The following ANKRD6 variants were observed in gnomAD, a reference collection of about 807,000 sequenced individuals.
ANKRD6 encodes ankyrin repeat domain-containing protein 6.
A neutral mutation model predicts 82.3 loss-of-function variants in ANKRD6; 56 were observed. That is an observed-to-expected ratio of 0.68 (90% confidence interval 0.55 to 0.85). ANKRD6 has a LOEUF of 0.85. Ranked by LOEUF, ANKRD6 falls within the 40% of genes least tolerant of loss-of-function variation. The pLI, the probability that ANKRD6 is intolerant of heterozygous loss-of-function variation, is 0.00. For missense variants in ANKRD6, 852 were observed against 907.6 expected, an observed-to-expected ratio of 0.94 and a Z score of 0.79; for synonymous variants, 347 against 352.1, an observed-to-expected ratio of 0.99 and a Z score of 0.16.
chr6:89,599,557 A>G (rs1796628943), intron 3 of ANKRD6, among the ~76,000 whole-genome samples: 1 of 152,186 alleles, frequency 6.6e-6, no homozygotes, highest in South Asian at 2.1e-4. Flanking sequence ...CATTTCAAGG[A>G]GGAAATGTTT....
intron 5 of ANKRD6, among the ~76,000 whole-genome samples, chr6:89,609,626 G>A (rs1376933868): frequency 6.7e-6 from 1 of 148,998 alleles, no homozygotes; most frequent in Non-Finnish European, 1.5e-5. Context: ...TTTTTTGTTT[G>A]TTTGTTTGTT....
chr6:89,547,419 T>C (rs1181587457), intron 1 of ANKRD6, among the ~76,000 whole-genome samples: 1 of 152,150 alleles, frequency 6.6e-6, no homozygotes, highest in South Asian at 2.1e-4. Context: ...TGCCCATGAC[T>C]GAGGACAAAG....
chr6:89,540,958 G>A (rs1182750609), intron 1 of ANKRD6, among the ~76,000 whole-genome samples: 1 of 152,060 alleles, frequency 6.6e-6, no homozygotes, highest in East Asian at 1.9e-4. Flanking sequence ...TTGTTTCTGG[G>A]TTCCCTATTC....
At chr6:89,528,275 T>C (rs1782752979) in intron 1 of ANKRD6, among the ~76,000 whole-genome samples, 1 of 152,258 alleles carries the variant, frequency 6.6e-6, no homozygotes, top group Non-Finnish European at 1.5e-5. Context: ...TGCTGCCTTG[T>C]CAAATACATT....
rs1167468399 is a variant in ANKRD6, at chr6:89,622,140, C to T, written c.897+114C>T. Reference sequence around the variant, plus strand: ...GGCTGCCCGGCCCTCTCTGCCTCTCCTCCTTGCTGGAGCTCTTCAAACTGT... The same window carrying T: ...GGCTGCCCGGCCCTCTCTGCCTCTCTTCCTTGCTGGAGCTCTTCAAACTGT... On this transcript the variant is annotated intron_variant, in intron 10 of 15. Transcript: ENST00000339746. 8 of 846,334 alleles carry T rather than the reference C, an allele frequency of 9.5e-6. No homozygotes were observed. In the South Asian group the frequency reaches 1.2e-4, roughly 13 times the overall value. 52.4% of individuals were successfully genotyped at this position (846,334 alleles called of 1,614,324 possible).
At chr6:89,477,897 A>G (rs1026934825) in intron 1 of ANKRD6, among the ~76,000 whole-genome samples, 2 of 151,986 alleles carry the variant, frequency 1.3e-5, no homozygotes, top group South Asian at 2.1e-4. Flanking sequence ...CTTTCCCCCT[A>G]TTAAACGTGA....
chr6:89,528,710 C>T (rs1164823291), intron 1 of ANKRD6, among the ~76,000 whole-genome samples: 1 of 152,180 alleles, frequency 6.6e-6, no homozygotes. Flanking sequence ...GTAGCTTTGG[C>T]CTTACAAAAT....
intron 1 of ANKRD6, among the ~76,000 whole-genome samples, chr6:89,480,974 CAAAGTTATATGTATTTTA>C (rs1776740133): frequency 1.4e-5 from 2 of 140,632 alleles, no homozygotes; most frequent in African/African-American, 5.2e-5. Context: ...GAAGAAGAAG[CAAAGTTATATGTATTTTA>C]AATATTATAG....
At chr6:89,524,107 A>C (rs1228932804) in intron 1 of ANKRD6, among the ~76,000 whole-genome samples, 1 of 152,130 alleles carries the variant, frequency 6.6e-6, no homozygotes, top group Non-Finnish European at 1.5e-5. Flanking sequence ...TTTTGCACCC[A>C]CAGGAGCTCT....
At chr6:89,509,790 C>T (rs1780315375) in intron 1 of ANKRD6, among the ~76,000 whole-genome samples, 1 of 152,120 alleles carries the variant, frequency 6.6e-6, no homozygotes, top group Non-Finnish European at 1.5e-5. Flanking sequence ...AACTGAGGCC[C>T]AAAGAGGTCA....
chr6:89,591,560 C>T (rs918796484), intron 2 of ANKRD6, among the ~76,000 whole-genome samples: 1 of 152,158 alleles, frequency 6.6e-6, no homozygotes, highest in Non-Finnish European at 1.5e-5. Context: ...GCTCCTTCAC[C>T]CTTAAGAGGG....
At chr6:89,624,754 C>T in intron 13 of ANKRD6, 63 bp downstream of exon 13, 1 of 1,538,856 alleles carries the variant, frequency 6.5e-7, no homozygotes. Flanking sequence ...ACTCAGGAAC[C>T]AACTTCGACT....
intron 1 of ANKRD6, among the ~76,000 whole-genome samples, chr6:89,564,930 ATT>A (rs1788150196): frequency 6.6e-6 from 1 of 152,182 alleles, no homozygotes; most frequent in Non-Finnish European, 1.5e-5. Context: ...TTTTCCTGCC[ATT>A]TAGGCCTGGA....
rs117415005 is a variant in ANKRD6, at chr6:89,484,922, G to A, written c.-144+51547G>A. Among the ~76,000 whole-genome samples, 85 of 152,306 alleles carry A rather than the reference G, an allele frequency of 5.6e-4. 1 individual carries two copies. The East Asian group carries it at 0.016, about 29-fold the overall frequency. ...GTGGGCTCTATCTCTAGCTACCTAG[G>A]TGGCCTTAGGTGAATGTCTTCTGGA... is the stretch of plus-strand genomic sequence containing the variant. On this transcript the variant is annotated intron_variant, in intron 1 of 15. Transcript: ENST00000339746.
At chr6:89,541,826 T>A (rs1784482106) in intron 1 of ANKRD6, among the ~76,000 whole-genome samples, 1 of 151,360 alleles carries the variant, frequency 6.6e-6, no homozygotes. Context: ...ATATATATCT[T>A]ATATGTAGTT....
Position 89,433,623 on chromosome 6 carries a change from T to G in ANKRD6, c.-144+248T>G, listed in dbSNP as rs1770237623. Among the ~76,000 whole-genome samples the G allele has an allele frequency of 6.6e-6, 1 of 152,100 alleles. No homozygotes were observed. The highest frequency in any genetic ancestry group is 1.5e-5 in the Non-Finnish European group (1 of 67,994). On this transcript the variant is annotated intron_variant, in intron 1 of 15. Coordinates refer to ENST00000339746, the MANE Select transcript of ANKRD6 (RefSeq NM_001242809.2). This position sits in a 1 kb window ranked among gnomAD's most constrained non-coding sequence, Gnocchi z 4.3. ...CCTGGCATCAGTTGCCTCCCTGGAA[T>G]ATGGAACTTCGGGCGAGGGAGGTGG...
chr6:89,472,579 G>C (rs558973759), intron 1 of ANKRD6, among the ~76,000 whole-genome samples: 2 of 152,130 alleles, frequency 1.3e-5, no homozygotes, highest in South Asian at 4.1e-4. Flanking sequence ...ACTGTGTTCT[G>C]TACCATTAAC....
intron 1 of ANKRD6, among the ~76,000 whole-genome samples, chr6:89,527,419 C>A (rs539478675): frequency 6.6e-6 from 1 of 151,998 alleles, no homozygotes; most frequent in Admixed American, 6.6e-5. Flanking sequence ...CATGGTGAAA[C>A]TCTGTCTCTA....
At chr6:89,513,528 A>G (rs1164721640) in intron 1 of ANKRD6, among the ~76,000 whole-genome samples, 2 of 152,242 alleles carry the variant, frequency 1.3e-5, no homozygotes, top group Admixed American at 1.3e-4. Context: ...AGATTTATCC[A>G]CATGGTTATA....
Sources: gnomAD v4.1 joint callset for allele counts (sites outside exome capture counted in the v4.1 genomes callset) on GRCh38, gnomAD v4.1.1 for gene constraint, Gnocchi (gnomAD v3.1) non-coding constraint, MANE v1.5 for transcripts, NCBI Gene and HGNC (gene_info 2026-07-23, HGNC 2026-07-21) for gene names.